The following AARS1 variants were observed in gnomAD, a reference collection of about 807,000 sequenced individuals.
The protein encoded by AARS1 is alanine--tRNA ligase, cytoplasmic.
A neutral mutation model predicts 108.9 loss-of-function variants in AARS1; 72 were observed. The observed-to-expected ratio is 0.66, with a 90% CI of 0.55 to 0.80. The LOEUF (loss-of-function observed/expected upper bound fraction) is 0.80. Among genes scored for constraint, AARS1 ranks in the 30% least tolerant of loss-of-function variants. The pLI, the probability that AARS1 is intolerant of heterozygous loss-of-function variation, is 0.00. For synonymous variants in AARS1, 489 were observed against 465.7 expected, an observed-to-expected ratio of 1.05 and a Z score of -0.64; for missense variants, 1,193 against 1,233.2, an observed-to-expected ratio of 0.97 and a Z score of 0.49.
At chr16:70,288,098 C>CCTT (rs1960903307) in intron 1 of AARS1, among the ~76,000 whole-genome samples, 1 of 83,886 alleles carries the variant, frequency 1.2e-5, no homozygotes, top group African/African-American at 5.2e-5. Flanking sequence ...TCCCCTTCTT[C>CCTT]TTTTTTTTTT....
In AARS1 at chr16:70,262,494, G is replaced by A. The variant is rs766691787; in HGVS notation, c.1523C>T (p.Ala508Val). The A allele has an allele frequency of 6.2e-7, 1 of 1,613,826 alleles. No individual in the cohort carries two copies. Among genetic ancestry groups the A allele is most frequent in the African/African-American group, 1.3e-5 (1 of 74,922 alleles). ...CACGAACATCTTCTCCCTGCGCAGA[G>A]CCATCACCGTAGCCACTGTGTTCTC... ...VFENTVATVM[A>V]LRREKMFVEE... Residue 508 changes from alanine to valine, a missense_variant, in exon 12 of 21, where the codon GCT becomes GTT. By Grantham distance (64) the Ala-to-Val change is moderately conservative (BLOSUM62 0). Coordinates refer to ENST00000261772, the MANE Select transcript of AARS1 (RefSeq NM_001605.3).
chr16:70,265,248 A>G, intron 10 of AARS1, 146 bp from the exon 11 acceptor site: 1 of 1,138,440 alleles, frequency 8.8e-7, no homozygotes, highest in African/African-American at 1.5e-5. Context: ...GGGCCAGATC[A>G]TTCTCTGTTG....
At chr16:70,263,129 C>T (rs567969662) in intron 11 of AARS1, among the ~76,000 whole-genome samples, 1 of 152,072 alleles carries the variant, frequency 6.6e-6, no homozygotes, top group Admixed American at 6.6e-5. Context: ...AAAACTGGGA[C>T]AATGGGTTAC....
At chr16:70,283,909 T>A (rs910482568) in intron 1 of AARS1, among the ~76,000 whole-genome samples, 2 of 152,178 alleles carry the variant, frequency 1.3e-5, no homozygotes, top group Non-Finnish European at 2.9e-5. Context: ...AAAAACTTTA[T>A]GACTTCAAAG....
intron 12 of AARS1, among the ~76,000 whole-genome samples, chr16:70,261,671 A>ATTT (rs11385686): frequency 0.059 from 7,818 of 131,708 alleles, 868 homozygotes; most frequent in African/African-American, 0.22. Flanking sequence ...GCATCTTAGA[A>ATTT]TTTTTTTTTT....
At chr16:70,253,042 C>T (rs1024599284) in intron 20 of AARS1, 136 bp from the exon 21 acceptor site, 17 of 1,094,146 alleles carry the variant, frequency 1.6e-5, no homozygotes, top group Middle Eastern at 2.0e-4. Flanking sequence ...ACAGACTTTA[C>T]GGCTGGTACA....
At chr16:70,288,388 C>CGT (rs1278169622) in intron 1 of AARS1, among the ~76,000 whole-genome samples, 4 of 149,700 alleles carry the variant, frequency 2.7e-5, no homozygotes, top group Non-Finnish European at 3.0e-5. Context: ...GGATTACAGG[C>CGT]GTGAGCCACC....
At chr16:70,265,502 G>T (rs1190442729) in intron 10 of AARS1, 36 bp downstream of exon 10, 4 of 1,613,224 alleles carry the variant, frequency 2.5e-6, no homozygotes, top group Non-Finnish European at 3.4e-6. Context: ...GGGTTGGAAG[G>T]TGTTGGGTTT....
At chr16:70,285,406 A>G (rs533745776) in intron 1 of AARS1, among the ~76,000 whole-genome samples, 1 of 152,066 alleles carries the variant, frequency 6.6e-6, no homozygotes, top group Non-Finnish European at 1.5e-5. Flanking sequence ...CAGCCTCCCA[A>G]GTAACTGGGA....
At chr16:70,255,194 ATTTT>A (rs946837808) in intron 16 of AARS1, among the ~76,000 whole-genome samples, 5 of 104,276 alleles carry the variant, frequency 4.8e-5, no homozygotes, top group African/African-American at 1.1e-4. Context: ...CCAGATTCAC[ATTTT>A]TTTTTTTTTT....
rs370982654 is a variant in AARS1 at position 70,267,689 on chromosome 16, G to C, written c.1192C>G (p.Gln398Glu). 3.1e-6 allele frequency: 5 copies of C among 1,614,054 alleles called. No individual in the cohort carries two copies. In the African/African-American group the frequency reaches 6.7e-5, roughly 22 times the overall value. Residue 398 changes from glutamine to glutamate, a missense_variant, in exon 9 of 21, where the codon CAG (glutamine) becomes GAG (glutamate). Coordinates refer to ENST00000261772, the MANE Select transcript of AARS1 (RefSeq NM_001605.3). ...RGRRILDRKIQSLGDSKTIPG... is the reference protein window; with the variant it reads ...RGRRILDRKIESLGDSKTIPG... ...ATGGTCTTGCTGTCTCCCAGGCTCT[G>C]AATTTTCCTGTCCAGGATGCGACGC...
chr16:70,258,949 A>G (rs1567603274), intron 14 of AARS1, 31 bp downstream of exon 14: 1 of 1,596,374 alleles, frequency 6.3e-7, no homozygotes. Flanking sequence ...CGGTGTGGGG[A>G]GGGGGGGCAT....
Position 70,254,611 on chromosome 16 carries a change from C to A in AARS1, c.2400+10G>T. 1 of 1,594,738 alleles carries A rather than the reference C, an allele frequency of 6.3e-7. No homozygotes were observed. Among genetic ancestry groups the A allele is most frequent in the Non-Finnish European group, 8.6e-7 (1 of 1,162,324 alleles). ...GGCCCTGAGGACGGAGGGAGGGAAG[C>A]CGCCCCTACCTCTCCAAGGTCAGCG... On this transcript the variant is annotated intron_variant, in intron 17 of 20. Transcript: ENST00000261772.
chr16:70,279,575 G>C (rs1348279945), intron 2 of AARS1, among the ~76,000 whole-genome samples: 1 of 147,574 alleles, frequency 6.8e-6, no homozygotes, highest in African/African-American at 2.5e-5. Flanking sequence ...CAGGAGAATC[G>C]CTTGAATCCA....
chr16:70,273,480 G>T (rs919500500), intron 4 of AARS1, among the ~76,000 whole-genome samples: 45 of 152,222 alleles, frequency 3.0e-4, no homozygotes, highest in African/African-American at 9.4e-4. Context: ...CAATTTGAAA[G>T]GTCAAGGCAG....
In AARS1 at chr16:70,268,360, G is replaced by T; in HGVS notation, c.982C>A (p.Leu328Ile). The stretch of plus-strand genomic sequence containing the variant: ...TGGGCGTATCGGACAGCTCGGCGGA[G>T]AATCCGTCTCAACACATATCTGTAA... Reference protein sequence around the residue: ...TGRGYVLRRILRRAVRYAHEK... With the variant: ...TGRGYVLRRIIRRAVRYAHEK... The change falls in exon 8 of 21, where the codon CTC (leucine) becomes ATC (isoleucine). Residue 328 changes from leucine (L) to isoleucine (I), a missense_variant. By Grantham distance (5) the Leu-to-Ile change is conservative (BLOSUM62 2). Transcript: ENST00000261772. 6.2e-7 allele frequency: 1 copy of T among 1,614,128 alleles called. No individual in the cohort carries two copies. The highest frequency in any genetic ancestry group is 8.5e-7 in the Non-Finnish European group (1 of 1,179,996).
rs1270330703 is a variant in AARS1 at position 70,264,965 on chromosome 16, A to G, written c.1485T>C (p.Gly495=). The G allele has an allele frequency of 3.1e-6, 5 of 1,614,100 alleles. No homozygotes were observed. Among genetic ancestry groups the G allele is most frequent in the Non-Finnish European group, 4.2e-6 (5 of 1,180,022 alleles). The change falls in exon 11 of 21, where the codon GGT becomes GGC. Residue 495 remains glycine (G), a synonymous_variant. Transcript: ENST00000261772. ...PKYNYHLDSS[G]SYVFENTVAT... is the part of the protein sequence containing the mutation. ...AGGAGCACAGCAACATACCATAGCT[A>G]CCACTGGAGTCCAAATGGTAATTGT... is the stretch of plus-strand genomic sequence containing the variant.
chr16:70,262,358 G>A lies in AARS1; in HGVS notation c.1659C>T (p.Asp553=). Residue 553 remains aspartate (D), a synonymous_variant, in exon 12 of 21, where the codon GAC becomes GAT. Transcript: ENST00000261772. ...ACTGTTGGCTCACATCTTCACTGCT[G>A]TCATCCACCTTCACCAGGTAGCCTT... ...YDEGYLVKVD[D]SSEDKTEFTV... 6.2e-7 allele frequency: 1 copy of A among 1,614,172 alleles called. No homozygotes were observed. Among genetic ancestry groups the A allele is most frequent in the Non-Finnish European group, 8.5e-7 (1 of 1,180,028 alleles).
intron 4 of AARS1, 87 bp downstream of exon 4, chr16:70,276,399 C>T (rs1309636452): frequency 1.4e-6 from 2 of 1,457,742 alleles, no homozygotes; most frequent in Non-Finnish European, 1.9e-6. Context: ...TGCAAAATGA[C>T]CACATATTCC....
Sources: allele counts gnomAD v4.1 joint callset (sites outside exome capture counted in the v4.1 genomes callset), GRCh38; gene constraint gnomAD v4.1.1; transcripts MANE v1.5; gene names NCBI Gene and HGNC (gene_info 2026-07-23, HGNC 2026-07-21).